Variants in TIAM1 observed in about 807,000 individuals in gnomAD.
TIAM1 encodes TIAM Rac1 associated GEF 1.
TIAM1 carries 65 observed loss-of-function variants against 163.5 expected under a neutral mutation model. The observed-to-expected ratio is 0.40, with a 90% CI of 0.33 to 0.49. TIAM1 has a LOEUF of 0.49. Among genes scored for constraint, TIAM1 ranks in the 20% least tolerant of loss-of-function variants. The probability of loss-of-function intolerance (pLI) is 0.77; values close to 1 mark genes in which losing one functional copy is unlikely to be tolerated. For synonymous variants in TIAM1, 833 were observed against 810.1 expected, an observed-to-expected ratio of 1.03 and a Z score of -0.48; for missense variants, 1,789 against 2,044.7, an observed-to-expected ratio of 0.87 and a Z score of 2.41.
At chr21:31,167,447 C>A (rs2084288615) in intron 15 of TIAM1, among the ~76,000 whole-genome samples, 1 of 152,118 alleles carries the variant, frequency 6.6e-6, no homozygotes, top group South Asian at 2.1e-4. Context: ...AATAAATCTA[C>A]AAAACACTTA....
chr21:31,329,182 T>C (rs910479050), intron 2 of TIAM1, among the ~76,000 whole-genome samples: 1 of 152,164 alleles, frequency 6.6e-6, no homozygotes, highest in Non-Finnish European at 1.5e-5. Context: ...AGGGACAACA[T>C]CTCTTGATAT....
At chr21:31,380,079 A>G (rs1412339795) in intron 2 of TIAM1, among the ~76,000 whole-genome samples, 1 of 152,194 alleles carries the variant, frequency 6.6e-6, no homozygotes, top group Non-Finnish European at 1.5e-5. Context: ...CATGACCAAC[A>G]TGGTGAAACC....
At chr21:31,550,476 T>C (rs990717812) in intron 1 of TIAM1, among the ~76,000 whole-genome samples, 1 of 152,122 alleles carries the variant, frequency 6.6e-6, no homozygotes, top group African/African-American at 2.4e-5. Context: ...AGCCAAGTGC[T>C]GGGAGGAAGG....
Position 31,141,179 on chromosome 21 carries a change from T to C in TIAM1, c.3713A>G (p.His1238Arg). Residue 1238 changes from histidine (H) to arginine (R), a missense_variant, in exon 22 of 28, where the codon CAT (histidine) becomes CGT (arginine). Physicochemically the swap from His to Arg is conservative, Grantham distance 29. Around this residue, in one of 5 missense-constraint regions of TIAM1, gnomAD observed 60 missense variants for 132.6 expected, o/e 0.45. Coordinates refer to ENST00000541036, the MANE Select transcript of TIAM1 (RefSeq NM_001353694.2). The surrounding 1 kb of genome is among the most constrained non-coding windows in gnomAD (Gnocchi z 4.7). ...GTCAAACACAGCCCCAAACTCTTCA[T>C]GGATTTTCTGCATCTCATTGATGTG... ...ASHINEMQKI[H>R]EEFGAVFDQL... 1 of 1,614,192 alleles carries C rather than the reference T, an allele frequency of 6.2e-7. No homozygotes were observed. The highest frequency in any genetic ancestry group is 8.5e-7 in the Non-Finnish European group (1 of 1,180,020).
chr21:31,213,436 A>T lies in TIAM1; in HGVS notation c.2179T>A (p.Leu727Ile). The change falls in exon 10 of 28, where the codon TTA (leucine) becomes ATA (isoleucine). Residue 727 changes from leucine (L) to isoleucine (I), a missense_variant. Leu to Ile is a conservative substitution (Grantham distance 5). This residue lies in a region of TIAM1 where 456 missense variants were observed against 586.6 expected (regional missense o/e 0.78). Transcript: ENST00000541036. Reference protein sequence around the residue: ...GEGTEAVKKSLEGIFDDIVPD... With the variant: ...GEGTEAVKKSIEGIFDDIVPD... ...ACAATGTCATCAAATATTCCCTCTA[A>T]AGATTTCTTTACAGCTTCGGTTCCC... is the stretch of plus-strand genomic sequence containing the variant. 6.2e-7 allele frequency: 1 copy of T among 1,612,730 alleles called. No homozygotes were observed. Among genetic ancestry groups the T allele is most frequent in the Non-Finnish European group, 8.5e-7 (1 of 1,179,788 alleles).
intron 2 of TIAM1, among the ~76,000 whole-genome samples, chr21:31,401,600 A>C (rs2077165265): frequency 6.6e-6 from 1 of 152,168 alleles, no homozygotes; most frequent in African/African-American, 2.4e-5. Flanking sequence ...AAGTGAATAC[A>C]TGACTCAGTA....
intron 8 of TIAM1, among the ~76,000 whole-genome samples, chr21:31,221,094 C>G (rs1197374699): frequency 6.6e-6 from 1 of 152,058 alleles, no homozygotes; most frequent in African/African-American, 2.4e-5. Context: ...AATGTTTCAA[C>G]CCCAAGGAGA....
intron 1 of TIAM1, among the ~76,000 whole-genome samples, chr21:31,477,663 CG>C (rs1378518474): frequency 1.3e-5 from 2 of 151,772 alleles, no homozygotes; most frequent in African/African-American, 4.8e-5. Flanking sequence ...TTAGGAGAGA[CG>C]GGGGTTTCAC....
intron 12 of TIAM1, among the ~76,000 whole-genome samples, chr21:31,198,045 T>C (rs1237883218): frequency 6.6e-6 from 1 of 152,224 alleles, no homozygotes; most frequent in Non-Finnish European, 1.5e-5. Flanking sequence ...AATGCTCATA[T>C]AGATTTTTAA....
At chr21:31,294,846 G>A (rs922720192) in intron 2 of TIAM1, among the ~76,000 whole-genome samples, 2 of 152,258 alleles carry the variant, frequency 1.3e-5, no homozygotes, top group South Asian at 2.1e-4. Context: ...AGGGGGCCCC[G>A]CACACGGCCT....
At chr21:31,458,926 C>T (rs188989336) in intron 2 of TIAM1, among the ~76,000 whole-genome samples, 31 of 152,242 alleles carry the variant, frequency 2.0e-4, no homozygotes, top group Non-Finnish European at 4.0e-4. Flanking sequence ...AGCAGGGGCA[C>T]GCTGCGTGTA....
intron 2 of TIAM1, among the ~76,000 whole-genome samples, chr21:31,379,064 C>G (rs1021532620): frequency 2.0e-5 from 3 of 152,098 alleles, no homozygotes; most frequent in Admixed American, 2.0e-4. Flanking sequence ...CTCCATTGCC[C>G]GGGTTCAAGC....
intron 1 of TIAM1, among the ~76,000 whole-genome samples, chr21:31,469,966 G>A (rs1163320282): frequency 6.6e-6 from 1 of 151,674 alleles, no homozygotes; most frequent in African/African-American, 2.4e-5. Flanking sequence ...GTCTGAGGAG[G>A]CTCCGAGTGT....
At chr21:31,166,899 G>A (rs1046174085) in intron 15 of TIAM1, among the ~76,000 whole-genome samples, 2 of 152,066 alleles carry the variant, frequency 1.3e-5, no homozygotes, top group African/African-American at 4.8e-5. Flanking sequence ...TGGGACGTCC[G>A]GAGCAGCCAG....
At chr21:31,265,873 C>T in intron 4 of TIAM1, 137 bp downstream of exon 4, 2 of 1,236,800 alleles carry the variant, frequency 1.6e-6, no homozygotes, top group South Asian at 3.1e-5. Flanking sequence ...CCTCCCAAAA[C>T]AGCACCAGCT....
At chr21:31,283,495 A>C (rs2073660520) in intron 2 of TIAM1, among the ~76,000 whole-genome samples, 1 of 152,098 alleles carries the variant, frequency 6.6e-6, no homozygotes, top group Non-Finnish European at 1.5e-5. Flanking sequence ...TCCAAGCAGC[A>C]TCTCTTTTCC....
chr21:31,122,531 T>C (rs2082041237), intron 27 of TIAM1, among the ~76,000 whole-genome samples: 1 of 152,094 alleles, frequency 6.6e-6, no homozygotes, highest in Non-Finnish European at 1.5e-5. Context: ...AACAGATGAG[T>C]GATAATGAGA....
At chr21:31,317,435 A>G (rs1356891657) in intron 2 of TIAM1, among the ~76,000 whole-genome samples, 5 of 151,946 alleles carry the variant, frequency 3.3e-5, no homozygotes, top group Non-Finnish European at 5.9e-5. Flanking sequence ...CCTGGGTAAC[A>G]AGAGTGAAAC....
rs905743008 is a variant in TIAM1 at position 31,314,761 on chromosome 21, A to G, written c.-189+24482T>C. On this transcript the variant is annotated intron_variant, in intron 2 of 27. Coordinates refer to ENST00000541036, the MANE Select transcript of TIAM1 (RefSeq NM_001353694.2). ...GTATTTTTAAAACGTGCATGCTTGT[A>G]AAGGGTAGGGGTCACACAGACTTGC... is the stretch of plus-strand genomic sequence containing the variant. Among the ~76,000 whole-genome samples the G allele has an allele frequency of 2.0e-5, 3 of 152,166 alleles. No individual in the cohort carries two copies. The East Asian group carries it at 5.8e-4, about 29-fold the overall frequency.
Sources: allele counts gnomAD v4.1 joint callset (sites outside exome capture counted in the v4.1 genomes callset), GRCh38; gene constraint gnomAD v4.1.1; regional missense constraint gnomAD v4.1.1; non-coding constraint Gnocchi (gnomAD v3.1); transcripts MANE v1.5; gene names NCBI Gene and HGNC (gene_info 2026-07-23, HGNC 2026-07-21).